Variants in CORO2B observed in about 807,000 individuals in gnomAD.
CORO2B encodes the protein coronin 2B, also known as coronin-2B.
Under a neutral mutation model 58.8 loss-of-function variants are expected in CORO2B, and 26 were observed. That is an observed-to-expected ratio of 0.44 (90% CI 0.32 to 0.61). The LOEUF is 0.61. Ranked by LOEUF, CORO2B falls within the 20% of genes least tolerant of loss-of-function variation. The probability of loss-of-function intolerance (pLI) is 0.04; values close to 1 mark genes in which losing one functional copy is unlikely to be tolerated. For missense variants in CORO2B, 460 were observed against 645.1 expected (o/e 0.71, Z 3.11); for synonymous variants, 242 against 253.8 (o/e 0.95, Z 0.44).
chr15:68,556,482 C>T, the CORO2B span, among the ~76,000 whole-genome samples: 36 of 152,160 alleles, frequency 2.4e-4, no homozygotes, highest in Non-Finnish European at 4.0e-4. Flanking sequence ...CTGCCACACT[C>T]GCAAGGTCCT....
At chr15:68,591,801 G>A (rs778672659) in intron 1 of CORO2B, among the ~76,000 whole-genome samples, 1 of 152,186 alleles carries the variant, frequency 6.6e-6, no homozygotes, top group African/African-American at 2.4e-5. Context: ...CGATCTAAGG[G>A]TTGAGAACAT....
intron 3 of CORO2B, among the ~76,000 whole-genome samples, chr15:68,709,619 G>A (rs1892867864): frequency 6.6e-6 from 1 of 151,842 alleles, no homozygotes; most frequent in Non-Finnish European, 1.5e-5. Context: ...ACTACACCCG[G>A]CTAATTTTTG....
chr15:68,723,756 C>T (rs1016147218), intron 11 of CORO2B, among the ~76,000 whole-genome samples: 1 of 152,080 alleles, frequency 6.6e-6, no homozygotes, highest in Non-Finnish European at 1.5e-5. Context: ...CGGCCGATAC[C>T]TTCTTTAAAC....
intron 6 of CORO2B, 39 bp from the exon 7 acceptor site, chr15:68,714,520 C>A (rs756918363): frequency 6.5e-7 from 1 of 1,536,406 alleles, no homozygotes; most frequent in South Asian, 1.1e-5. Flanking sequence ...GTATGCCATC[C>A]TGCCTGCAGA....
the CORO2B span, among the ~76,000 whole-genome samples, chr15:68,557,378 A>G: frequency 6.6e-6 from 1 of 152,182 alleles, no homozygotes; most frequent in Non-Finnish European, 1.5e-5. Context: ...AGCAGAGCTG[A>G]GGTTCAGTGG....
At chr15:68,546,557 C>G in the CORO2B span, among the ~76,000 whole-genome samples, 1 of 152,166 alleles carries the variant, frequency 6.6e-6, no homozygotes, top group Admixed American at 6.5e-5. Flanking sequence ...GATGGGCCAC[C>G]AGGAGCTGCT....
chr15:68,638,982 T>C (rs1901121752), intron 1 of CORO2B, among the ~76,000 whole-genome samples: 1 of 152,182 alleles, frequency 6.6e-6, no homozygotes, highest in African/African-American at 2.4e-5. Context: ...GGTGTTGGTA[T>C]TCTGGTGATG....
intron 8 of CORO2B, 114 bp downstream of exon 8, chr15:68,715,425 T>C (rs1893010313): frequency 1.4e-6 from 1 of 723,738 alleles, no homozygotes; most frequent in Non-Finnish European, 2.3e-6. Context: ...CCATAGCACA[T>C]GGGCAAGTTG....
rs1901618278 is a variant in CORO2B, at chr15:68,650,823, TGAAG to T, written c.216+5464_216+5467del. On this transcript the variant is annotated intron_variant, in intron 2 of 11. Coordinates refer to ENST00000261861, the MANE Select transcript of CORO2B (RefSeq NM_006091.5). The stretch of plus-strand genomic sequence containing the variant: ...TTCGCTGATGTGAAGAGGGAGCCCC[TGAAG>T]TTTCAGAGGCCCTACAGGCCAGAGA... Among the ~76,000 whole-genome samples, 4 of 152,314 alleles carry T rather than the reference TGAAG, an allele frequency of 2.6e-5. No homozygotes were observed. In the South Asian group the frequency reaches 8.3e-4, roughly 32 times the overall value.
At chr15:68,639,429 G>A (rs942854090) in intron 1 of CORO2B, among the ~76,000 whole-genome samples, 1 of 152,212 alleles carries the variant, frequency 6.6e-6, no homozygotes, top group Admixed American at 6.5e-5. Flanking sequence ...CCTAAAAGGA[G>A]GTGGCTATTG....
chr15:68,636,009 G>A (rs1364342622), intron 1 of CORO2B, among the ~76,000 whole-genome samples: 1 of 152,330 alleles, frequency 6.6e-6, no homozygotes, highest in East Asian at 1.9e-4. Context: ...AGAGACCTCG[G>A]TGACAGCTCT....
intron 1 of CORO2B, among the ~76,000 whole-genome samples, chr15:68,585,798 T>C (rs978850124): frequency 2.0e-5 from 3 of 152,316 alleles, no homozygotes; most frequent in East Asian, 1.9e-4. Flanking sequence ...CTAGGAGTCA[T>C]GTAAATGATT....
chr15:68,532,647 T>A, the CORO2B span, among the ~76,000 whole-genome samples: 1 of 152,210 alleles, frequency 6.6e-6, no homozygotes, highest in African/African-American at 2.4e-5. Context: ...TTTCTACTAG[T>A]TTTGAGTCAC....
At chr15:68,725,477 T>C (rs947258754) in intron 11 of CORO2B, among the ~76,000 whole-genome samples, 8 of 152,170 alleles carry the variant, frequency 5.3e-5, no homozygotes, top group Non-Finnish European at 1.0e-4. Context: ...TGTATTATTA[T>C]AGATGTAATA....
At chr15:68,551,514 G>T in the CORO2B span, among the ~76,000 whole-genome samples, 7 of 152,128 alleles carry the variant, frequency 4.6e-5, no homozygotes, top group Admixed American at 1.3e-4. Context: ...CCTGAGGAGT[G>T]AATCTCCTCA....
the CORO2B span, among the ~76,000 whole-genome samples, chr15:68,551,898 G>A: frequency 6.6e-6 from 1 of 150,580 alleles, no homozygotes. Flanking sequence ...GCCCAGAACC[G>A]ATGGCCCACC....
chr15:68,687,568 C>CCA (rs892950126), intron 2 of CORO2B, among the ~76,000 whole-genome samples: 21 of 152,086 alleles, frequency 1.4e-4, no homozygotes, highest in Non-Finnish European at 2.6e-4. Flanking sequence ...TGAGTGCATG[C>CCA]CACACACACA....
chr15:68,696,245 G>C (rs904545628), intron 3 of CORO2B, among the ~76,000 whole-genome samples: 5 of 145,324 alleles, frequency 3.4e-5, no homozygotes, highest in African/African-American at 1.3e-4. Flanking sequence ...ATGAGCCACT[G>C]TCTCAAAAAA....
At chr15:68,689,902 G>C (rs1892317194) in intron 2 of CORO2B, among the ~76,000 whole-genome samples, 1 of 152,206 alleles carries the variant, frequency 6.6e-6, no homozygotes, top group African/African-American at 2.4e-5. Context: ...GGCTTGTGTT[G>C]GCTCGTGAGA....
Sources: allele counts gnomAD v4.1 joint callset (sites outside exome capture counted in the v4.1 genomes callset), GRCh38; gene constraint gnomAD v4.1.1; transcripts MANE v1.5; gene names NCBI Gene and HGNC (gene_info 2026-07-23, HGNC 2026-07-21).